The following TRIM37 variants were observed in gnomAD, a reference collection of about 807,000 sequenced individuals.
TRIM37 encodes tripartite motif containing 37.
Under a neutral mutation model 129.8 loss-of-function variants are expected in TRIM37, and 80 were observed. The observed-to-expected ratio is 0.62, with a 90% CI of 0.51 to 0.74. TRIM37 has a LOEUF of 0.74. Among genes scored for constraint, TRIM37 ranks in the 30% least tolerant of loss-of-function variants. The pLI is 0.00. For synonymous variants in TRIM37, 389 were observed against 387.1 expected, an observed-to-expected ratio of 1.00 and a Z score of -0.06; for missense variants, 1,054 against 1,176.5, an observed-to-expected ratio of 0.90 and a Z score of 1.52.
chr17:59,073,683 T>C (rs935036205), intron 8 of TRIM37, among the ~76,000 whole-genome samples: 3 of 152,244 alleles, frequency 2.0e-5, no homozygotes, highest in Non-Finnish European at 2.9e-5. Flanking sequence ...CACTGAAGCC[T>C]TGAATTCCTG....
At chr17:59,056,685 G>A (rs554852929) in intron 13 of TRIM37, among the ~76,000 whole-genome samples, 190 bp downstream of exon 13, 12 of 117,396 alleles carry the variant, frequency 1.0e-4, no homozygotes, top group East Asian at 2.7e-4. Flanking sequence ...AGCCGAGATC[G>A]CGCCAGGGCG....
At chr17:59,042,407 A>C (rs1294533128) in intron 16 of TRIM37, among the ~76,000 whole-genome samples, 1 of 127,796 alleles carries the variant, frequency 7.8e-6, no homozygotes, top group African/African-American at 3.0e-5. Flanking sequence ...AGTTCTTCTT[A>C]GAAAGCTAAG....
intron 12 of TRIM37, among the ~76,000 whole-genome samples, chr17:59,058,516 G>GT (rs2041182132): frequency 6.6e-6 from 1 of 151,968 alleles, no homozygotes; most frequent in Admixed American, 6.6e-5. Context: ...ACCTTCATAC[G>GT]TAACACCAAA....
At chr17:59,062,029 T>TA (rs1003998983) in intron 11 of TRIM37, among the ~76,000 whole-genome samples, 95 of 141,648 alleles carry the variant, frequency 6.7e-4, no homozygotes, top group East Asian at 4.1e-3. Flanking sequence ...AAAACTTTTC[T>TA]AAAAAAAAAA....
chr17:58,991,191 AAAG>A (rs2032368001), intron 24 of TRIM37, among the ~76,000 whole-genome samples: 1 of 151,486 alleles, frequency 6.6e-6, no homozygotes, highest in Admixed American at 6.6e-5. Context: ...AAAAAAAAAA[AAAG>A]AAAAAAGTTT....
intron 17 of TRIM37, among the ~76,000 whole-genome samples, chr17:59,037,366 G>A (rs2038643056): frequency 6.6e-6 from 1 of 151,526 alleles, no homozygotes; most frequent in Non-Finnish European, 1.5e-5. Context: ...AGACCATCCT[G>A]GCTAACACGG....
intron 22 of TRIM37, among the ~76,000 whole-genome samples, chr17:59,006,278 T>C (rs1567951057): frequency 6.6e-6 from 1 of 152,210 alleles, no homozygotes; most frequent in Non-Finnish European, 1.5e-5. Context: ...CTATTAATTG[T>C]AAGGAGCTTC....
chr17:59,103,103 C>T (rs2045663030), intron 2 of TRIM37, among the ~76,000 whole-genome samples: 1 of 151,884 alleles, frequency 6.6e-6, no homozygotes, highest in South Asian at 2.1e-4. Flanking sequence ...GAACTCCTGA[C>T]CTCAGGTGAT....
intron 5 of TRIM37, among the ~76,000 whole-genome samples, chr17:59,082,576 CCA>C (rs1302185482): frequency 6.6e-6 from 1 of 152,150 alleles, no homozygotes; most frequent in Non-Finnish European, 1.5e-5. Flanking sequence ...ATTTTCCATC[CCA>C]CAGAGTTACT....
intron 17 of TRIM37, 94 bp downstream of exon 17, chr17:59,041,719 A>G: frequency 1.1e-6 from 1 of 909,890 alleles, no homozygotes; most frequent in Non-Finnish European, 1.8e-6. Context: ...AACCATGTAC[A>G]AGCAGTGGCT....
intron 2 of TRIM37, among the ~76,000 whole-genome samples, chr17:59,098,563 T>C (rs2045135210): frequency 6.7e-6 from 1 of 148,498 alleles, no homozygotes; most frequent in African/African-American, 2.5e-5. Flanking sequence ...TACTCAAGAG[T>C]GTGAAGCAGG....
At chr17:59,069,932 G>C (rs2042228796) in intron 9 of TRIM37, among the ~76,000 whole-genome samples, 1 of 152,204 alleles carries the variant, frequency 6.6e-6, no homozygotes. Flanking sequence ...GCAAAAAAGT[G>C]AATTTTCTGA....
chr17:59,015,455 T>A (rs563933590), intron 21 of TRIM37, among the ~76,000 whole-genome samples, 155 bp downstream of exon 21: 66 of 150,990 alleles, frequency 4.4e-4, no homozygotes, highest in African/African-American at 1.4e-3. Flanking sequence ...ATAAAAAAAA[T>A]TAAAAAAGTT....
intron 2 of TRIM37, among the ~76,000 whole-genome samples, chr17:59,093,765 C>G (rs2044610316): frequency 6.6e-6 from 1 of 152,196 alleles, no homozygotes; most frequent in East Asian, 1.9e-4. Context: ...TATGGTCCCT[C>G]CCTCCATATC....
Position 59,064,357 on chromosome 17 carries a change from G to C in TRIM37, c.858C>G (p.Phe286Leu). 1 of 1,597,604 alleles carries C rather than the reference G, an allele frequency of 6.3e-7. No homozygotes were observed. ...CCAGAATTGTCAAAAACTCTTACCT[G>C]AAATTCTCTAAAACAAAAGTAGCTG... is the stretch of plus-strand genomic sequence containing the variant. ...YDSATFVLEN[F>L]STLRQRADPV... Residue 286 changes from phenylalanine to leucine, a missense_variant and splice_region_variant, in exon 10 of 24, where the codon TTC becomes TTG. By Grantham distance (22) the Phe-to-Leu change is conservative. This residue lies in a region of TRIM37 where 752 missense variants were observed against 870.8 expected (regional missense o/e 0.86). Coordinates refer to ENST00000262294, the MANE Select transcript of TRIM37 (RefSeq NM_015294.6).
At chr17:59,015,850 G>A (rs781584828) in intron 20 of TRIM37, 51 bp from the exon 21 acceptor site, 68 of 1,572,704 alleles carry the variant, frequency 4.3e-5, no homozygotes, top group Non-Finnish European at 5.7e-5. Context: ...ATGGTGGTGT[G>A]CGCCTGTAAT....
At chr17:58,974,498 G>A in the TRIM37 span, among the ~76,000 whole-genome samples, 1 of 152,176 alleles carries the variant, frequency 6.6e-6, no homozygotes, top group Non-Finnish European at 1.5e-5. Flanking sequence ...AAGGGTATAA[G>A]TTCAAAGAAT....
the TRIM37 span, chr17:58,973,019 A>T: frequency 2.6e-6 from 2 of 765,436 alleles, no homozygotes; most frequent in East Asian, 5.2e-5. Flanking sequence ...ATGATAATTT[A>T]TGTTACCAGA....
In TRIM37 at chr17:59,106,871, G is replaced by A. The variant is rs560277149; in HGVS notation, c.-410C>T. ...AGAGCAGCTGGGGGCGCGGCGGCGA[G>A]AGAAGCTGCGAAGCGCATGCGCGCA... On this transcript the variant is annotated 5_prime_UTR_variant, in exon 1 of 24. Transcript: ENST00000262294. The A allele has an allele frequency of 5.4e-4, 176 of 324,746 alleles. 1 individual carries two copies. Among genetic ancestry groups the A allele is most frequent in the African/African-American group, 3.7e-3 (164 of 44,540 alleles). The allele number at this position is 324,746 out of a possible 1,614,324, so 20.1% of individuals were successfully genotyped here.
Sources: allele counts gnomAD v4.1 joint callset (sites outside exome capture counted in the v4.1 genomes callset), GRCh38; gene constraint gnomAD v4.1.1; regional missense constraint gnomAD v4.1.1; transcripts MANE v1.5; gene names NCBI Gene and HGNC (gene_info 2026-07-23, HGNC 2026-07-21).